Variants in STRN3 observed in about 807,000 individuals in gnomAD.
STRN3 encodes striatin 3.
Under a neutral mutation model 95.6 loss-of-function variants are expected in STRN3, and 29 were observed. That is an observed-to-expected ratio of 0.30 (90% CI 0.23 to 0.41). The LOEUF is 0.41. Among genes scored for constraint, STRN3 ranks in the 10% least tolerant of loss-of-function variants. The pLI is 1.00. For synonymous variants in STRN3, 331 were observed against 357.6 expected (o/e 0.93, Z 0.84); for missense variants, 890 against 972.1 (o/e 0.92, Z 1.12).
intron 9 of STRN3, among the ~76,000 whole-genome samples, chr14:30,914,497 C>T (rs558448747): frequency 1.5e-4 from 23 of 152,184 alleles, no homozygotes; most frequent in Admixed American, 7.2e-4. Context: ...GGATTACAGG[C>T]GCCCGCCACC....
intron 8 of STRN3, among the ~76,000 whole-genome samples, chr14:30,927,595 A>G (rs1878246228): frequency 6.6e-6 from 1 of 151,548 alleles, no homozygotes; most frequent in South Asian, 2.1e-4. Context: ...GCAATCCACT[A>G]GTAAAATAAG....
rs146843894 is a variant in STRN3 at position 31,001,955 on chromosome 14, G to A, written c.282+23949C>T. ...CCAAGGCAGGTGATCACCTGAGGTC[G>A]GGAGTTTGAGACCAGCCTGACCAAC... is the stretch of plus-strand genomic sequence containing the variant. On this transcript the variant is annotated intron_variant, in intron 1 of 17. Coordinates refer to ENST00000357479, the MANE Select transcript of STRN3 (RefSeq NM_001083893.2). Among the ~76,000 whole-genome samples, 888 of 151,296 alleles carry A rather than the reference G, an allele frequency of 5.9e-3. 7 individuals are homozygous for A. The highest frequency in any genetic ancestry group is 0.031 in the East Asian group (160 of 5,116).
intron 8 of STRN3, among the ~76,000 whole-genome samples, chr14:30,925,985 C>T (rs1897018193): frequency 1.3e-5 from 2 of 151,692 alleles, no homozygotes; most frequent in South Asian, 4.2e-4. Context: ...ACATGATGAG[C>T]TATTTGAATT....
intron 5 of STRN3, among the ~76,000 whole-genome samples, chr14:30,938,410 T>C (rs1270094155): frequency 6.6e-6 from 1 of 152,212 alleles, no homozygotes; most frequent in East Asian, 1.9e-4. Context: ...AAGTAGCATA[T>C]CAATGATACA....
At chr14:30,977,204 C>A (rs1566470432) in intron 1 of STRN3, among the ~76,000 whole-genome samples, 1 of 151,766 alleles carries the variant, frequency 6.6e-6, no homozygotes, top group East Asian at 1.9e-4. Context: ...CCAGCCTGGG[C>A]AACAAGAGCG....
intron 1 of STRN3, among the ~76,000 whole-genome samples, chr14:31,000,865 G>C (rs1351927024): frequency 6.6e-6 from 1 of 151,840 alleles, no homozygotes; most frequent in African/African-American, 2.4e-5. Flanking sequence ...AATAGGTAGA[G>C]ATAAGCCTTA....
At chr14:30,929,545 A>G (rs1216562765) in intron 7 of STRN3, among the ~76,000 whole-genome samples, 1 of 152,148 alleles carries the variant, frequency 6.6e-6, no homozygotes, top group Non-Finnish European at 1.5e-5. Flanking sequence ...ATTTTCATGA[A>G]CCACAAATTT....
chr14:30,955,807 T>C (rs1879874136), intron 2 of STRN3, 114 bp from the exon 3 acceptor site: 3 of 934,664 alleles, frequency 3.2e-6, no homozygotes, highest in Non-Finnish European at 4.6e-6. Flanking sequence ...TAAACTTTGT[T>C]TGCAAAGAAC....
At chr14:30,945,080 G>T (rs1209046617) in intron 5 of STRN3, among the ~76,000 whole-genome samples, 2 of 152,014 alleles carry the variant, frequency 1.3e-5, no homozygotes, top group African/African-American at 4.8e-5. Context: ...ATGTTACTCA[G>T]GGTAACGTCT....
At chr14:30,984,682 G>A (rs1274979624) in intron 1 of STRN3, among the ~76,000 whole-genome samples, 8 of 151,986 alleles carry the variant, frequency 5.3e-5, no homozygotes, top group African/African-American at 1.7e-4. Flanking sequence ...GGAGGCTGAG[G>A]CAGGAGAATC....
intron 1 of STRN3, among the ~76,000 whole-genome samples, chr14:30,993,138 A>C (rs543818118): frequency 6.6e-6 from 1 of 152,148 alleles, no homozygotes; most frequent in South Asian, 2.1e-4. Flanking sequence ...GCATGTGCCT[A>C]TAGTCCCAGC....
chr14:30,898,785 G>T (rs550420895), intron 16 of STRN3, among the ~76,000 whole-genome samples: 6 of 152,280 alleles, frequency 3.9e-5, no homozygotes, highest in Non-Finnish European at 7.4e-5. Flanking sequence ...GGAAATAAAG[G>T]CTGGACAGAT....
intron 1 of STRN3, among the ~76,000 whole-genome samples, chr14:30,971,355 C>T (rs531015146): frequency 2.0e-5 from 3 of 152,284 alleles, no homozygotes; most frequent in East Asian, 1.9e-4. Flanking sequence ...TCAACTCTCA[C>T]GTCTATTTAG....
chr14:31,018,782 A>AAG, intron 1 of STRN3: 1 of 468,884 alleles, frequency 2.1e-6, no homozygotes, highest in Non-Finnish European at 4.2e-6. Context: ...AAGCAGAGAG[A>AAG]AGCTCAACAA....
intron 6 of STRN3, 63 bp downstream of exon 6, chr14:30,936,432 T>C (rs2139076235): frequency 6.5e-7 from 1 of 1,535,824 alleles, no homozygotes; most frequent in Non-Finnish European, 8.8e-7. Flanking sequence ...TAAGATATCT[T>C]AAAAATTCCC....
chr14:30,991,212 C>T (rs191239063), intron 1 of STRN3, among the ~76,000 whole-genome samples: 1 of 152,214 alleles, frequency 6.6e-6, no homozygotes, highest in African/African-American at 2.4e-5. Flanking sequence ...TATGAGGTAA[C>T]CTATTTCTCC....
chr14:31,006,315 A>G (rs1344551439), intron 1 of STRN3, among the ~76,000 whole-genome samples: 1 of 152,034 alleles, frequency 6.6e-6, no homozygotes, highest in Non-Finnish European at 1.5e-5. Context: ...AGAACTCTGA[A>G]AGGCTGAGGC....
At chr14:30,950,398 T>C (rs1255357679) in intron 4 of STRN3, among the ~76,000 whole-genome samples, 1 of 152,108 alleles carries the variant, frequency 6.6e-6, no homozygotes, top group African/African-American at 2.4e-5. Context: ...ACAAAAAAGA[T>C]TTGCCAGAGA....
chr14:30,929,164 G>T, intron 8 of STRN3, 37 bp downstream of exon 8: 2 of 1,501,924 alleles, frequency 1.3e-6, no homozygotes, highest in East Asian at 2.3e-5. Context: ...TCAATTATTG[G>T]TATACAAAAA....
Sources: allele counts gnomAD v4.1 joint callset (sites outside exome capture counted in the v4.1 genomes callset), GRCh38; gene constraint gnomAD v4.1.1; transcripts MANE v1.5; gene names NCBI Gene and HGNC (gene_info 2026-07-23, HGNC 2026-07-21).